The following KCNQ4 variants were observed in gnomAD, a reference collection of about 807,000 sequenced individuals.
KCNQ4 encodes potassium voltage-gated channel subfamily KQT member 4.
KCNQ4 carries 31 observed loss-of-function variants against 72.6 expected under a neutral mutation model. That is an observed-to-expected ratio of 0.43 (90% CI 0.32 to 0.58). The LOEUF is 0.58. Among genes scored for constraint, KCNQ4 ranks in the 20% least tolerant of loss-of-function variants. The pLI is 0.08. For missense variants in KCNQ4, 869 were observed against 962.6 expected (o/e 0.90, Z 1.29); for synonymous variants, 405 against 403.7 (o/e 1.00, Z -0.04).
intron 5 of KCNQ4, 85 bp from the exon 6 acceptor site, chr1:40,819,790 A>G (rs1483437526): frequency 2.7e-6 from 3 of 1,126,272 alleles, no homozygotes; most frequent in Non-Finnish European, 4.1e-6. Context: ...TTCCCTCATG[A>G]TCAGGCTCCT....
chr1:40,826,817 G>A, intron 9 of KCNQ4: 3 of 369,390 alleles, frequency 8.1e-6, no homozygotes, highest in South Asian at 3.9e-5. Flanking sequence ...GTCTGCCTTG[G>A]GTGCCCAGTG....
chr1:40,818,609 C>T lies in KCNQ4; in HGVS notation c.637C>T (p.Arg213Cys). ...LRSMRFLQIL[R>C]MVRMDRRGGT... ...CAGCATGCGCTTCCTGCAGATCCTG[C>T]GCATGGTGCGCATGGACCGCCGCGG... Residue 213 changes from arginine (R) to cysteine (C), a missense_variant, in exon 4 of 14, where the codon CGC (arginine) becomes TGC (cysteine). Coordinates refer to ENST00000347132, the MANE Select transcript of KCNQ4 (RefSeq NM_004700.4). 1 of 1,606,636 alleles carries T rather than the reference C, an allele frequency of 6.2e-7. No homozygotes were observed. Among genetic ancestry groups the T allele is most frequent in the South Asian group, 1.1e-5 (1 of 90,986 alleles).
chr1:40,808,989 T>C (rs1392422687), intron 1 of KCNQ4, among the ~76,000 whole-genome samples: 1 of 151,854 alleles, frequency 6.6e-6, no homozygotes, highest in African/African-American at 2.4e-5. Flanking sequence ...CCTGTTCTGG[T>C]CTTCCTCTCC....
At chr1:40,806,499 G>T (rs1209081424) in intron 1 of KCNQ4, among the ~76,000 whole-genome samples, 2 of 152,242 alleles carry the variant, frequency 1.3e-5, no homozygotes, top group African/African-American at 4.8e-5. Context: ...CAAGTCGGAA[G>T]GTTTGGGGCT....
chr1:40,830,988 T>C, intron 9 of KCNQ4, 96 bp from the exon 10 acceptor site: 2 of 1,055,314 alleles, frequency 1.9e-6, no homozygotes, highest in Non-Finnish European at 2.9e-6. Context: ...CCAGACCTAA[T>C]AGCCACCCCC....
At chr1:40,824,644 C>A (rs549793653) in intron 9 of KCNQ4, among the ~76,000 whole-genome samples, 1 of 152,186 alleles carries the variant, frequency 6.6e-6, no homozygotes, top group Non-Finnish European at 1.5e-5. Flanking sequence ...CAGGTGCTTA[C>A]GGCTCAGGTA....
intron 9 of KCNQ4, among the ~76,000 whole-genome samples, chr1:40,825,944 C>A (rs1648463409): frequency 6.6e-6 from 1 of 152,158 alleles, no homozygotes; most frequent in African/African-American, 2.4e-5. Context: ...TGACTCCCAG[C>A]CTCGTATCTA....
rs180889235 is a variant in KCNQ4, at chr1:40,822,809, C to G, written c.1130+407C>G. Among the ~76,000 whole-genome samples the G allele has an allele frequency of 1.3e-3, 198 of 152,320 alleles. 1 individual carries two copies. The highest frequency in any genetic ancestry group is 4.6e-3 in the African/African-American group (193 of 41,570). On this transcript the variant is annotated intron_variant, in intron 8 of 13. Transcript: ENST00000347132. ...TGTGGGATGGGCAGAAACATGTGTT[C>G]CAGACTTAGGTGCATGCTCCTACCC...
intron 10 of KCNQ4, among the ~76,000 whole-genome samples, 188 bp from the exon 11 acceptor site, chr1:40,832,826 G>A (rs1012276437): frequency 6.6e-6 from 1 of 151,984 alleles, no homozygotes; most frequent in Non-Finnish European, 1.5e-5. Flanking sequence ...AGATGGGCAT[G>A]CAACACACTG....
In KCNQ4 at chr1:40,819,943, T is replaced by A. The variant is rs769508384; in HGVS notation, c.903T>A (p.Ala301=). ...PHTWLGRVLA[A]GFALLGISFF... ...CATGGCTGGGCAGGGTCCTGGCTGC[T>A]GGCTTCGCCTTACTGGGCATCTCTT... Residue 301 remains alanine (A), a synonymous_variant, in exon 6 of 14, where the codon GCT becomes GCA. Transcript: ENST00000347132. 2.5e-6 allele frequency: 4 copies of A among 1,614,246 alleles called. No homozygotes were observed. In the Admixed American group the frequency reaches 6.7e-5, roughly 27 times the overall value.
At chr1:40,830,480 A>G (rs768660910) in intron 9 of KCNQ4, among the ~76,000 whole-genome samples, 1 of 152,196 alleles carries the variant, frequency 6.6e-6, no homozygotes, top group Non-Finnish European at 1.5e-5. Flanking sequence ...GGAGGAAAAT[A>G]TGAAATGACA....
At chr1:40,796,853 G>T (rs572456786) in intron 1 of KCNQ4, among the ~76,000 whole-genome samples, 1 of 152,110 alleles carries the variant, frequency 6.6e-6, no homozygotes, top group African/African-American at 2.4e-5. Context: ...GGGAGGTAGA[G>T]GTTGCAGTGA....
In KCNQ4 at chr1:40,800,801, T is replaced by A. The variant is rs1012992667; in HGVS notation, c.314+16394T>A. Among the ~76,000 whole-genome samples the A allele has an allele frequency of 3.3e-5, 5 of 151,982 alleles. No homozygotes were observed. The East Asian group carries it at 9.7e-4, about 29-fold the overall frequency. On this transcript the variant is annotated intron_variant, in intron 1 of 13. Coordinates refer to ENST00000347132, the MANE Select transcript of KCNQ4 (RefSeq NM_004700.4). ...ACACTCTCCCTCTTGTAGAATAGTG[T>A]GAGAAGGGGTGCCTGAGGGGGCCCA...
rs948946679 is a variant in KCNQ4 at position 40,794,831 on chromosome 1, C to A, written c.314+10424C>A. 6.6e-6 allele frequency among the ~76,000 whole-genome samples: 1 copy of A among 152,114 alleles called. No individual in the cohort carries two copies. The highest frequency in any genetic ancestry group is 2.4e-5 in the African/African-American group (1 of 41,408). On this transcript the variant is annotated intron_variant, in intron 1 of 13. Coordinates refer to ENST00000347132, the MANE Select transcript of KCNQ4 (RefSeq NM_004700.4). This position sits in a 1 kb window ranked among gnomAD's most constrained non-coding sequence, Gnocchi z 4.2. ...AAATCCCTGAGTCTGGGCGCCATCC[C>A]GGCTCCTCCCCACTGAGCTGTGGAG...
intron 1 of KCNQ4, among the ~76,000 whole-genome samples, chr1:40,801,342 G>A (rs1273175783): frequency 2.6e-5 from 4 of 152,150 alleles, no homozygotes; most frequent in Non-Finnish European, 5.9e-5. Context: ...CACTGCCCTA[G>A]GTCTCCAGGC....
intron 8 of KCNQ4, among the ~76,000 whole-genome samples, chr1:40,822,718 A>C (rs1648342181): frequency 6.6e-6 from 1 of 152,200 alleles, no homozygotes; most frequent in African/African-American, 2.4e-5. Flanking sequence ...TGATACAGCC[A>C]GCTCGTCTCC....
chr1:40,805,927 C>T (rs1053942505), intron 1 of KCNQ4, among the ~76,000 whole-genome samples: 17 of 152,114 alleles, frequency 1.1e-4, no homozygotes, highest in Admixed American at 2.0e-4. Flanking sequence ...CTGCAGGCTC[C>T]GCCTCCTGGG....
chr1:40,807,673 A>G (rs1647805648), intron 1 of KCNQ4, among the ~76,000 whole-genome samples: 1 of 152,186 alleles, frequency 6.6e-6, no homozygotes, highest in African/African-American at 2.4e-5. Context: ...TGTCAAGTCT[A>G]GCTGAAGTCC....
At chr1:40,806,102 A>G (rs1233842030) in intron 1 of KCNQ4, among the ~76,000 whole-genome samples, 1 of 152,186 alleles carries the variant, frequency 6.6e-6, no homozygotes, top group Non-Finnish European at 1.5e-5. Flanking sequence ...CAGCCTCCCA[A>G]AGTGCTGGGA....
Sources: allele counts gnomAD v4.1 joint callset (sites outside exome capture counted in the v4.1 genomes callset), GRCh38; gene constraint gnomAD v4.1.1; non-coding constraint Gnocchi (gnomAD v3.1); transcripts MANE v1.5; gene names NCBI Gene and HGNC (gene_info 2026-07-23, HGNC 2026-07-21).